The following TJP1 variants were observed in gnomAD, a reference collection of about 807,000 sequenced individuals.
TJP1 encodes tight junction protein 1.
TJP1 carries 43 observed loss-of-function variants against 194.2 expected under a neutral mutation model. The observed-to-expected ratio is 0.22, with a 90% CI of 0.17 to 0.29. The LOEUF is 0.29. Ranked by LOEUF, TJP1 falls within the 10% of genes least tolerant of loss-of-function variation. TJP1 has a pLI of 1.00. For synonymous variants in TJP1, 801 were observed against 779.0 expected, an observed-to-expected ratio of 1.03 and a Z score of -0.47; for missense variants, 1,971 against 2,185.7, an observed-to-expected ratio of 0.90 and a Z score of 1.96.
At chr15:29,961,704 C>G (rs757629457) in intron 1 of TJP1, among the ~76,000 whole-genome samples, 1 of 152,162 alleles carries the variant, frequency 6.6e-6, no homozygotes, top group Non-Finnish European at 1.5e-5. Flanking sequence ...GGCAGTCCCC[C>G]ACTTGATCTG....
intron 2 of TJP1, among the ~76,000 whole-genome samples, chr15:29,797,031 A>T (rs2048458044): frequency 6.6e-6 from 1 of 152,252 alleles, no homozygotes; most frequent in African/African-American, 2.4e-5. Context: ...TAAAACTTTT[A>T]AAGGAAAACA....
intron 2 of TJP1, among the ~76,000 whole-genome samples, chr15:29,914,920 A>G (rs952902113): frequency 2.0e-5 from 3 of 152,000 alleles, no homozygotes; most frequent in African/African-American, 7.2e-5. Flanking sequence ...ACACTCACCA[A>G]CTGAGGTCTG....
At chr15:29,726,221 A>G (rs922014212) in intron 18 of TJP1, among the ~76,000 whole-genome samples, 158 bp downstream of exon 18, 2 of 152,344 alleles carry the variant, frequency 1.3e-5, no homozygotes, top group South Asian at 2.1e-4. Context: ...AACAACTTTC[A>G]TAACCCCTAC....
At chr15:29,789,086 A>T (rs192093884) in intron 2 of TJP1, among the ~76,000 whole-genome samples, 1 of 152,244 alleles carries the variant, frequency 6.6e-6, no homozygotes, top group Non-Finnish European at 1.5e-5. Context: ...CATACTAAAT[A>T]AGACCTATTA....
At chr15:29,933,661 A>G (rs1349048950) in intron 2 of TJP1, among the ~76,000 whole-genome samples, 4 of 152,180 alleles carry the variant, frequency 2.6e-5, no homozygotes, top group Non-Finnish European at 4.4e-5. Context: ...CTGGCCAGAA[A>G]GAAAGGTGGC....
At chr15:29,744,530 A>G (rs1173657590) in intron 8 of TJP1, among the ~76,000 whole-genome samples, 1 of 152,216 alleles carries the variant, frequency 6.6e-6, no homozygotes, top group Non-Finnish European at 1.5e-5. Context: ...TTTTAAAAGA[A>G]GCCAATAAAT....
rs1358662709 is a variant in TJP1, at chr15:29,766,339, G to A, written c.516C>T (p.Asp172=). Residue 172 remains aspartate (D), a synonymous_variant, in exon 5 of 28, where the codon GAC becomes GAT. Transcript: ENST00000614355. ...SRERSLSPRS[D]RRSVASSQPA... is the part of the protein sequence containing the mutation. ...GCTGGCTGGAAGCCACTGACCGCCT[G>A]TCTGACCGCGGGGACAAGCTCCTCT... is the stretch of plus-strand genomic sequence containing the variant. 2 of 1,614,242 alleles carry A rather than the reference G, an allele frequency of 1.2e-6. No individual in the cohort carries two copies. The highest frequency in any genetic ancestry group is 1.7e-5 in the Admixed American group (1 of 60,032).
At chr15:29,871,410 T>C (rs1474625164) in intron 2 of TJP1, among the ~76,000 whole-genome samples, 1 of 152,242 alleles carries the variant, frequency 6.6e-6, no homozygotes, top group African/African-American at 2.4e-5. Context: ...CATGCCCTCG[T>C]GGGCAAAACC....
chr15:29,822,113 A>G lies in TJP1; in HGVS notation c.-85T>C, dbSNP rs2050426443. ...CGCCCGCTCCTCACGCCACAGCCCA[A>G]ATAAACATCTCCCGAGAGCGAGCGG... On this transcript the variant is annotated 5_prime_UTR_variant, in exon 1 of 28. Transcript: ENST00000614355. 1 of 1,216,898 alleles carries G rather than the reference A, an allele frequency of 8.2e-7. No individual in the cohort carries two copies. The highest frequency in any genetic ancestry group is 1.0e-6 in the Non-Finnish European group (1 of 976,054). 75.4% of individuals were successfully genotyped at this position (1,216,898 alleles called of 1,614,324 possible).
chr15:29,716,899 A>G, intron 22 of TJP1, 61 bp from the exon 23 acceptor site: 1 of 1,387,130 alleles, frequency 7.2e-7, no homozygotes, highest in Non-Finnish European at 1.0e-6. Flanking sequence ...TGAAGGAAGT[A>G]GAATATGTAA....
chr15:29,837,244 T>C (rs1190581477), intron 2 of TJP1, among the ~76,000 whole-genome samples: 1 of 152,238 alleles, frequency 6.6e-6, no homozygotes, highest in Admixed American at 6.5e-5. Context: ...ACAATACTTT[T>C]AAATGTTTCT....
rs537565065 is a variant in TJP1 at position 29,765,201 on chromosome 15, TG to T, written c.589+1064del. Among the ~76,000 whole-genome samples, 588 of 152,266 alleles carry T rather than the reference TG, an allele frequency of 3.9e-3. 5 individuals carry two copies. The highest frequency in any genetic ancestry group is 0.014 in the African/African-American group (563 of 41,554). Reference sequence around the variant, plus strand: ...CCACTAGATTTAGTGTGAACATTTTTGGGGGCAGAGCGGAAAAGATACCAGA... The same window carrying T: ...CCACTAGATTTAGTGTGAACATTTTTGGGGCAGAGCGGAAAAGATACCAGA... On this transcript the variant is annotated intron_variant, in intron 5 of 27. Transcript: ENST00000614355.
At chr15:29,843,365 T>A (rs894189656) in intron 2 of TJP1, among the ~76,000 whole-genome samples, 2 of 152,028 alleles carry the variant, frequency 1.3e-5, no homozygotes, top group African/African-American at 4.8e-5. Context: ...AATTTTGTAT[T>A]TGTAGTAGAG....
chr15:29,763,767 C>CAAAA lies in TJP1; in HGVS notation c.590-1333_590-1330dup, dbSNP rs10680239. On this transcript the variant is annotated intron_variant, in intron 5 of 27. Transcript: ENST00000614355. ...TGAGAGAGAGAGTGAGACTCCGTCT[C>CAAAA]AAAAAAAAAAAAAAAAATTACATCA... is the stretch of plus-strand genomic sequence containing the variant. Among the ~76,000 whole-genome samples, 268 of 122,040 alleles carry CAAAA rather than the reference C, an allele frequency of 2.2e-3. 3 individuals are homozygous for CAAAA. Among genetic ancestry groups the CAAAA allele is most frequent in the African/African-American group, 7.5e-3 (234 of 31,108 alleles). The allele number at this position is 122,040 out of a possible 152,430, so 80.1% of individuals were successfully genotyped here. A position where few individuals can be genotyped will look rare whatever the true frequency, so the allele number is the denominator to read the frequency against.
At chr15:29,915,965 T>C (rs1307146360) in intron 2 of TJP1, among the ~76,000 whole-genome samples, 2 of 152,174 alleles carry the variant, frequency 1.3e-5, no homozygotes, top group African/African-American at 2.4e-5. Context: ...GTCCTCTTTT[T>C]AAAACTGATG....
chr15:29,710,275 C>T (rs965226130), intron 24 of TJP1, among the ~76,000 whole-genome samples: 7 of 152,028 alleles, frequency 4.6e-5, no homozygotes, highest in Non-Finnish European at 1.0e-4. Context: ...AGAACTATAA[C>T]ACATCTGCTT....
intron 2 of TJP1, among the ~76,000 whole-genome samples, chr15:29,843,681 T>C (rs936462353): frequency 3.3e-5 from 5 of 152,052 alleles, no homozygotes; most frequent in African/African-American, 1.2e-4. Context: ...GAAAAATATG[T>C]GAAATGTTCA....
intron 2 of TJP1, among the ~76,000 whole-genome samples, chr15:29,877,655 T>G: frequency 6.6e-6 from 1 of 151,048 alleles, no homozygotes; most frequent in South Asian, 2.1e-4. Context: ...TCTTTCTTTG[T>G]CTCTCTCTCT....
intron 2 of TJP1, among the ~76,000 whole-genome samples, chr15:29,841,523 A>G (rs1023006464): frequency 4.6e-5 from 7 of 152,170 alleles, no homozygotes; most frequent in African/African-American, 1.4e-4. Context: ...TTTATATGCT[A>G]TAATTTTACT....
Sources: gnomAD v4.1 joint callset for allele counts (sites outside exome capture counted in the v4.1 genomes callset) on GRCh38, gnomAD v4.1.1 for gene constraint, MANE v1.5 for transcripts, NCBI Gene and HGNC (gene_info 2026-07-23, HGNC 2026-07-21) for gene names.